Variants in SH3KBP1 observed in about 807,000 individuals in gnomAD.
SH3KBP1 encodes the protein SH3 domain containing kinase binding protein 1.
SH3KBP1 carries 8 observed loss-of-function variants against 50.1 expected under a neutral mutation model. That is an observed-to-expected ratio of 0.16 (90% CI 0.09 to 0.29). SH3KBP1 has a LOEUF of 0.29. Ranked by LOEUF, SH3KBP1 falls within the 10% of genes least tolerant of loss-of-function variation. The pLI, the probability that SH3KBP1 is intolerant of heterozygous loss-of-function variation, is 1.00. For missense variants in SH3KBP1, 377 were observed against 535.2 expected, an observed-to-expected ratio of 0.70 and a Z score of 2.92; for synonymous variants, 227 against 218.6, an observed-to-expected ratio of 1.04 and a Z score of -0.34.
chrX:19,716,031 T>A (rs1010827668), intron 3 of SH3KBP1, among the ~76,000 whole-genome samples: 2 of 112,144 alleles, frequency 1.8e-5, no homozygotes, highest in African/African-American at 3.3e-5. Flanking sequence ...AGAAGCCATG[T>A]TTTCTATCTC....
rs59323105 is a variant in SH3KBP1, at chrX:19,565,051, A to ATTTTTTTTTTTTTTTTTTTT, written c.1384+4032_1384+4051dup. 1.5e-4 allele frequency among the ~76,000 whole-genome samples: 10 copies of ATTTTTTTTTTTTTTTTTTTT among 66,530 alleles called. 2 individuals carry two copies. Among genetic ancestry groups the ATTTTTTTTTTTTTTTTTTTT allele is most frequent in the African/African-American group, 7.5e-4 (10 of 13,291 alleles). 57.8% of individuals were successfully genotyped at this position (66,530 alleles called of 115,157 possible). ...TCAGAGAGACCTGGCTTCAACTCCA[A>ATTTTTTTTTTTTTTTTTTTT]TTTTTTTTTTTTTTTTTTTTTTTTT... On this transcript the variant is annotated intron_variant, in intron 13 of 17. Transcript: ENST00000397821.
intron 8 of SH3KBP1, among the ~76,000 whole-genome samples, chrX:19,616,949 T>C (rs2067634228): frequency 8.9e-6 from 1 of 111,743 alleles, no homozygotes; most frequent in South Asian, 3.7e-4. Context: ...CCTCGTAGAG[T>C]CTTGCCCTAC....
intron 4 of SH3KBP1, among the ~76,000 whole-genome samples, chrX:19,696,876 T>C (rs1310422773): frequency 8.9e-6 from 1 of 112,160 alleles, no homozygotes; most frequent in Non-Finnish European, 1.9e-5. Context: ...TTTTTGACTT[T>C]ATGATGATGC....
At chrX:19,556,587 A>C (rs2065498192) in intron 13 of SH3KBP1, among the ~76,000 whole-genome samples, 1 of 112,176 alleles carries the variant, frequency 8.9e-6, no homozygotes, top group South Asian at 3.7e-4. Flanking sequence ...ATAGGAGATC[A>C]GCTGTTGTGT....
At position 19,742,775 on chromosome X, in the gene SH3KBP1, T is replaced by C. The variant is rs937411219; in HGVS notation, c.286+3543A>G. On this transcript the variant is annotated intron_variant, in intron 3 of 17. Transcript: ENST00000397821. ...CTTTGAAGAAAACATACAACTCTTT[T>C]CTGTCTGGTTCATCAAGAGAATGAC... is the stretch of plus-strand genomic sequence containing the variant. Among the ~76,000 whole-genome samples, 10 of 112,238 alleles carry C rather than the reference T, an allele frequency of 8.9e-5. No homozygotes were observed. In the East Asian group the frequency reaches 2.8e-3, roughly 31 times the overall value.
chrX:19,794,500 G>A (rs2066649287), intron 2 of SH3KBP1, among the ~76,000 whole-genome samples: 1 of 110,233 alleles, frequency 9.1e-6, no homozygotes, highest in African/African-American at 3.3e-5. Context: ...TCAGGAGATC[G>A]AGACCATCCT....
At chrX:19,585,630 G>A (rs944723944) in intron 12 of SH3KBP1, among the ~76,000 whole-genome samples, 2 of 111,554 alleles carry the variant, frequency 1.8e-5, no homozygotes, top group South Asian at 3.8e-4. Flanking sequence ...GGCGAGCACC[G>A]TCAACAACTT....
chrX:19,690,550 T>C (rs751041812), intron 5 of SH3KBP1, among the ~76,000 whole-genome samples: 36 of 112,442 alleles, frequency 3.2e-4, no homozygotes, highest in Non-Finnish European at 5.1e-4. Flanking sequence ...TCTGTAGCTA[T>C]AGAATTAAAA....
At chrX:19,552,955 G>A (rs1213497242) in intron 13 of SH3KBP1, among the ~76,000 whole-genome samples, 1 of 110,882 alleles carries the variant, frequency 9.0e-6, no homozygotes, top group African/African-American at 3.3e-5. Context: ...TAGAGAGCCT[G>A]CCTGGGCTCT....
chrX:19,647,998 C>G, intron 6 of SH3KBP1: 1 of 371,143 alleles, frequency 2.7e-6, no homozygotes, highest in Non-Finnish European at 5.2e-6. Flanking sequence ...TGGATTAAAA[C>G]TTCAGGGGCC....
intron 1 of SH3KBP1, among the ~76,000 whole-genome samples, chrX:19,868,416 G>A (rs999684917): frequency 1.8e-5 from 2 of 109,890 alleles, no homozygotes; most frequent in African/African-American, 6.6e-5. Context: ...TTTGAATCCC[G>A]ACAATCACAA....
intron 2 of SH3KBP1, among the ~76,000 whole-genome samples, chrX:19,814,917 C>A (rs183780000): frequency 8.9e-6 from 1 of 112,014 alleles, no homozygotes; most frequent in Non-Finnish European, 1.9e-5. Flanking sequence ...CAACCACAGA[C>A]AGGCCAAGTG....
At chrX:19,723,628 A>G (rs368366817) in intron 3 of SH3KBP1, among the ~76,000 whole-genome samples, 1 of 112,453 alleles carries the variant, frequency 8.9e-6, no homozygotes, top group East Asian at 2.8e-4. Flanking sequence ...TCCAGGAAGT[A>G]TGACTCAGGG....
rs181449916 is a variant in SH3KBP1, at chrX:19,626,144, G to A, written c.897+5720C>T. 2.7e-3 allele frequency among the ~76,000 whole-genome samples: 302 copies of A among 111,418 alleles called. 1 individual carries two copies. The highest frequency in any genetic ancestry group is 4.8e-3 in the Non-Finnish European group (257 of 53,085). On this transcript the variant is annotated intron_variant, in intron 8 of 17. Coordinates refer to ENST00000397821, the MANE Select transcript of SH3KBP1 (RefSeq NM_031892.3). ...TGTGCTGGGAAGCTGTGGTCCTGGA[G>A]AAAGATCTAGCTATCATTAAGTTAA...
intron 6 of SH3KBP1, among the ~76,000 whole-genome samples, chrX:19,657,380 G>GA (rs58287030): frequency 0.033 from 2,182 of 66,913 alleles, 35 homozygotes; most frequent in Non-Finnish European, 0.041. Flanking sequence ...ATCCTGCCTC[G>GA]AAAAAAAAAA....
chrX:19,725,362 C>T (rs949651736), intron 3 of SH3KBP1, among the ~76,000 whole-genome samples: 1 of 108,981 alleles, frequency 9.2e-6, no homozygotes, highest in Non-Finnish European at 1.9e-5. Flanking sequence ...CCCAGCTACT[C>T]GGGTAGGCTG....
intron 3 of SH3KBP1, among the ~76,000 whole-genome samples, chrX:19,723,938 C>A (rs943123989): frequency 2.7e-5 from 3 of 111,212 alleles, no homozygotes; most frequent in Non-Finnish European, 5.7e-5. Flanking sequence ...CCCCCGCCGA[C>A]CCCACCAAAC....
intron 13 of SH3KBP1, among the ~76,000 whole-genome samples, chrX:19,552,585 C>T (rs757306323): frequency 1.3e-4 from 14 of 110,891 alleles, no homozygotes; most frequent in Admixed American, 3.9e-4. Flanking sequence ...TATATTATGG[C>T]TCTGTCCAGG....
chrX:19,562,778 A>AAGCCAAC (rs2065723244), intron 13 of SH3KBP1, among the ~76,000 whole-genome samples: 1 of 111,618 alleles, frequency 9.0e-6, no homozygotes, highest in African/African-American at 3.3e-5. Flanking sequence ...GACCCTCTCC[A>AAGCCAAC]AGCCAACAGC....
Sources: allele counts gnomAD v4.1 joint callset (sites outside exome capture counted in the v4.1 genomes callset), GRCh38; gene constraint gnomAD v4.1.1; transcripts MANE v1.5; gene names NCBI Gene and HGNC (gene_info 2026-07-23, HGNC 2026-07-21).